Variants in KLRB1 observed in about 807,000 individuals in gnomAD.
The protein encoded by KLRB1 is killer cell lectin-like receptor subfamily B member 1.
Under a neutral mutation model 33.5 loss-of-function variants are expected in KLRB1, and 27 were observed. The ratio of observed to expected loss-of-function variants is 0.81; its 90% CI spans 0.59 to 1.11. KLRB1 has a LOEUF of 1.11. Ranked by LOEUF, KLRB1 falls within the 50% of genes most tolerant of loss-of-function variation. KLRB1 has a pLI of 0.00. For missense variants in KLRB1, 241 were observed against 254.1 expected (o/e 0.95, Z 0.35); for synonymous variants, 64 against 88.9 (o/e 0.72, Z 1.58).
Position 9,598,540 on chromosome 12 carries a change from T to C in KLRB1, c.373A>G (p.Lys125Glu). 1 of 1,613,022 alleles carries C rather than the reference T, an allele frequency of 6.2e-7. No individual in the cohort carries two copies. The highest frequency in any genetic ancestry group is 8.5e-7 in the Non-Finnish European group (1 of 1,179,420). The change falls in exon 4 of 6, where the codon AAA becomes GAA. Residue 125 changes from lysine to glutamate, a missense_variant. By Grantham distance (56) the Lys-to-Glu change is moderately conservative (BLOSUM62 1). Transcript: ENST00000229402. ...CGAATAAGCAGCAGGCTGGATTCTT[T>C]GGTGGAACAATCAGCTAGACTGTTA... Reference protein sequence around the residue: ...WNNSLADCSTKESSLLLIRDK... With the variant: ...WNNSLADCSTEESSLLLIRDK...
chr12:9,607,570 G>A, intron 1 of KLRB1, 185 bp downstream of exon 1: 5 of 539,084 alleles, frequency 9.3e-6, no homozygotes, highest in South Asian at 8.5e-5. Flanking sequence ...AAAAATAAAT[G>A]TATGAGGTTT....
chr12:9,599,288 C>G (rs1329953680), intron 3 of KLRB1, among the ~76,000 whole-genome samples: 1 of 152,184 alleles, frequency 6.6e-6, no homozygotes, highest in Admixed American at 6.5e-5. Flanking sequence ...AGATCATATT[C>G]CACTATAGTC....
chr12:9,607,300 C>T (rs1864618042), intron 1 of KLRB1, among the ~76,000 whole-genome samples: 2 of 74,784 alleles, frequency 2.7e-5, no homozygotes, highest in Admixed American at 1.1e-4. Context: ...TTCTTTCTCT[C>T]CTTTCTTTCT....
In KLRB1 at chr12:9,594,957, C is replaced by A; in HGVS notation, c.*317G>T. 1 of 213,668 alleles carries A rather than the reference C, an allele frequency of 4.7e-6. No homozygotes were observed. The highest frequency in any genetic ancestry group is 9.2e-6 in the Non-Finnish European group (1 of 108,232). 13.2% of individuals were successfully genotyped at this position (213,668 alleles called of 1,614,324 possible). Reference sequence around the variant, plus strand: ...GGTCAGCTCTCCCTTTCTGAATCTACAATTTCTCCACTGTTTTAAACACAA... The same window carrying A: ...GGTCAGCTCTCCCTTTCTGAATCTAAAATTTCTCCACTGTTTTAAACACAA... On this transcript the variant is annotated 3_prime_UTR_variant, in exon 6 of 6. Transcript: ENST00000229402.
Position 9,595,098 on chromosome 12 carries a change from A to T in KLRB1, c.*176T>A. On this transcript the variant is annotated 3_prime_UTR_variant, in exon 6 of 6. Transcript: ENST00000229402. ...TCTCTATGTCTCTGTTTCCTCATTT[A>T]ATAGAATGAATATGATAAACATGAA... 1 of 582,310 alleles carries T rather than the reference A, an allele frequency of 1.7e-6. No individual in the cohort carries two copies. The highest frequency in any genetic ancestry group is 3.0e-6 in the Non-Finnish European group (1 of 328,378). 36.1% of individuals were successfully genotyped at this position (582,310 alleles called of 1,614,324 possible). A position where few individuals can be genotyped will look rare whatever the true frequency, so the allele number is the denominator to read the frequency against.
At chr12:9,607,667 A>T in intron 1 of KLRB1, 88 bp downstream of exon 1, 1 of 898,494 alleles carries the variant, frequency 1.1e-6, no homozygotes, top group East Asian at 2.4e-5. Context: ...GCTCATCTTT[A>T]AAGCAATGAT....
At chr12:9,596,511 T>C (rs1246504386) in intron 5 of KLRB1, among the ~76,000 whole-genome samples, 1 of 152,166 alleles carries the variant, frequency 6.6e-6, no homozygotes, top group Non-Finnish European at 1.5e-5. Flanking sequence ...GTAAAAAAAT[T>C]ATGATTCTTC....
chr12:9,607,120 T>A (rs1225329985), intron 1 of KLRB1, among the ~76,000 whole-genome samples: 1 of 152,108 alleles, frequency 6.6e-6, no homozygotes, highest in Non-Finnish European at 1.5e-5. Flanking sequence ...AGTATTGATA[T>A]TTTGTAGAGG....
intron 5 of KLRB1, among the ~76,000 whole-genome samples, chr12:9,597,604 G>T (rs1353852620): frequency 6.6e-6 from 1 of 152,000 alleles, no homozygotes; most frequent in South Asian, 2.1e-4. Flanking sequence ...GTCACAACGT[G>T]GGTGTCTGGG....
chr12:9,604,258 G>A (rs2120720333), intron 1 of KLRB1, among the ~76,000 whole-genome samples: 1 of 152,234 alleles, frequency 6.6e-6, no homozygotes, highest in South Asian at 2.1e-4. Flanking sequence ...CTCCATTTGA[G>A]TTTAAAAAGT....
At chr12:9,598,271 C>A in intron 4 of KLRB1, 110 bp from the exon 5 acceptor site, 2 of 789,028 alleles carry the variant, frequency 2.5e-6, no homozygotes. Flanking sequence ...AACTCGTCGT[C>A]AGCATTAATT....
Position 9,598,497 on chromosome 12 carries a change from AC to A in KLRB1, c.414+1del, listed in dbSNP as rs779963190. 1 of 1,603,512 alleles carries A rather than the reference AC, an allele frequency of 6.2e-7. No homozygotes were observed. The highest frequency in any genetic ancestry group is 1.7e-5 in the Admixed American group (1 of 57,184). Reference sequence around the variant, plus strand: ...ATTAAGGTATTTTATTTAATGATTTACCAATTCATCCTTATCTCGAATAAGC... The same window carrying A: ...ATTAAGGTATTTTATTTAATGATTTACAATTCATCCTTATCTCGAATAAGC... On this transcript the variant is annotated splice_donor_variant, in intron 4 of 5. Transcript: ENST00000229402. LOFTEE classifies it high-confidence loss of function.
chr12:9,602,421 TAA>T (rs1864556060), intron 1 of KLRB1, among the ~76,000 whole-genome samples: 1 of 151,972 alleles, frequency 6.6e-6, no homozygotes, highest in Admixed American at 6.6e-5. Context: ...AGAAAAAAAA[TAA>T]AGAGAGATTT....
At chr12:9,605,537 A>C (rs1271686767) in intron 1 of KLRB1, among the ~76,000 whole-genome samples, 4 of 152,250 alleles carry the variant, frequency 2.6e-5, no homozygotes, top group African/African-American at 9.6e-5. Flanking sequence ...TTTTTTAATG[A>C]ATGAATAAAC....
chr12:9,607,374 T>TTCTCTCTCTCTC (rs1172966387), intron 1 of KLRB1, among the ~76,000 whole-genome samples: 1 of 94,108 alleles, frequency 1.1e-5, no homozygotes, highest in Non-Finnish European at 2.3e-5. Context: ...CTTTCTTTCT[T>TTCTCTCTCTCTC]TCTTTCTTTC....
At position 9,607,753 on chromosome 12, in the gene KLRB1, A is replaced by G; in HGVS notation, c.85+2T>C. ...GCCGAAAGGAAAATTAAAGCCACTT[A>G]CCCCGAGGAAGAGATGAAGGTGAAG... On this transcript the variant is annotated splice_donor_variant, in intron 1 of 5. Transcript: ENST00000229402. LOFTEE classifies it high-confidence loss of function. 6.2e-7 allele frequency: 1 copy of G among 1,604,034 alleles called. No homozygotes were observed. Among genetic ancestry groups the G allele is most frequent in the Non-Finnish European group, 8.5e-7 (1 of 1,171,012 alleles).
chr12:9,596,744 A>G (rs1864495578), intron 5 of KLRB1, among the ~76,000 whole-genome samples: 1 of 152,206 alleles, frequency 6.6e-6, no homozygotes, highest in Admixed American at 6.5e-5. Context: ...GAACCACAAT[A>G]AAATAAACAT....
At position 9,595,027 on chromosome 12, in the gene KLRB1, C is replaced by T. The variant is rs1298778556; in HGVS notation, c.*247G>A. 1 of 445,058 alleles carries T rather than the reference C, an allele frequency of 2.2e-6. No homozygotes were observed. The highest frequency in any genetic ancestry group is 4.0e-6 in the Non-Finnish European group (1 of 248,120). The allele number at this position is 445,058 out of a possible 1,614,324, so 27.6% of individuals were successfully genotyped here. ...GGCATATTCGGGGACATCCTTCACT[C>T]CTTCACCATAGAATATCACTGTTTC... On this transcript the variant is annotated 3_prime_UTR_variant, in exon 6 of 6. Coordinates refer to ENST00000229402, the MANE Select transcript of KLRB1 (RefSeq NM_002258.3).
rs367978330 is a variant in KLRB1, at chr12:9,604,266, A to T, written c.86-2667T>A. ...GGCTGTTCTCCATTTGAGTTTAAAA[A>T]GTATGTGAAATCATCTCATTTCATT... On this transcript the variant is annotated intron_variant, in intron 1 of 5. Transcript: ENST00000229402. 3.9e-5 allele frequency among the ~76,000 whole-genome samples: 6 copies of T among 152,212 alleles called. No individual in the cohort carries two copies. In the East Asian group the frequency reaches 7.7e-4, roughly 19 times the overall value.
Sources: allele counts gnomAD v4.1 joint callset (sites outside exome capture counted in the v4.1 genomes callset), GRCh38; gene constraint gnomAD v4.1.1; transcripts MANE v1.5; gene names NCBI Gene and HGNC (gene_info 2026-07-23, HGNC 2026-07-21).